Variants in CTNNA3 observed in about 807,000 individuals in gnomAD.
The protein encoded by CTNNA3 is catenin alpha 3.
A neutral mutation model predicts 95.7 loss-of-function variants in CTNNA3; 76 were observed. The ratio of observed to expected loss-of-function variants is 0.79; its 90% CI spans 0.66 to 0.96. The LOEUF is 0.96. Among genes scored for constraint, CTNNA3 ranks in the 40% least tolerant of loss-of-function variants. CTNNA3 has a pLI of 0.00. For missense variants in CTNNA3, 1,191 were observed against 1,089.8 expected (o/e 1.09, Z -1.31); for synonymous variants, 431 against 374.4 (o/e 1.15, Z -1.74).
At chr10:67,060,012 G>A (rs554847423) in intron 7 of CTNNA3, among the ~76,000 whole-genome samples, 1 of 152,054 alleles carries the variant, frequency 6.6e-6, no homozygotes, top group Admixed American at 6.5e-5. Context: ...GGTGAGGCAC[G>A]ATGATAAAAA....
intron 15 of CTNNA3, among the ~76,000 whole-genome samples, chr10:66,013,283 A>G (rs1721761772): frequency 6.6e-6 from 1 of 152,348 alleles, no homozygotes; most frequent in Non-Finnish European, 1.5e-5. Flanking sequence ...ATTAATTTAA[A>G]TAGTTTAGCA....
chr10:66,001,007 A>C (rs1445849952), intron 15 of CTNNA3, among the ~76,000 whole-genome samples: 2 of 152,174 alleles, frequency 1.3e-5, no homozygotes, highest in African/African-American at 4.8e-5. Flanking sequence ...CCATGAATGC[A>C]ACAGATTGAA....
rs556316828 is a variant in CTNNA3 at position 67,189,139 on chromosome 10, C to CA, written c.844-8620dup. ...CAAACAAACAAACAAACAACAACAA[C>CA]AACAAAAAAAAAAACAGAAAATTCT... On this transcript the variant is annotated intron_variant, in intron 6 of 17. Coordinates refer to ENST00000433211, the MANE Select transcript of CTNNA3 (RefSeq NM_013266.4). Among the ~76,000 whole-genome samples the CA allele has an allele frequency of 1.1e-3, 132 of 121,998 alleles. 1 individual carries two copies. The highest frequency in any genetic ancestry group is 5.5e-3 in the African/African-American group (115 of 20,994). 80.0% of individuals were successfully genotyped at this position (121,998 alleles called of 152,430 possible). A position where few individuals can be genotyped will look rare whatever the true frequency, so the allele number is the denominator to read the frequency against.
intron 17 of CTNNA3, among the ~76,000 whole-genome samples, chr10:65,926,301 T>C (rs1231040102): frequency 6.6e-6 from 1 of 152,002 alleles, no homozygotes; most frequent in East Asian, 1.9e-4. Flanking sequence ...AACTTATGAA[T>C]ATTCTAGTAT....
At chr10:67,520,497 C>T (rs947315883) in intron 5 of CTNNA3, among the ~76,000 whole-genome samples, 3 of 152,136 alleles carry the variant, frequency 2.0e-5, no homozygotes, top group East Asian at 1.9e-4. Context: ...TTGCATAGGC[C>T]GGAGGAGTGA....
intron 7 of CTNNA3, among the ~76,000 whole-genome samples, chr10:66,886,793 G>C (rs1845061909): frequency 6.6e-6 from 1 of 152,112 alleles, no homozygotes; most frequent in South Asian, 2.1e-4. Context: ...TATTACGTCA[G>C]AACATGTCCT....
At chr10:67,699,630 A>C (rs1056083270), upstream of CTNNA3, among the ~76,000 whole-genome samples, 59 of 152,212 alleles carry the variant, frequency 3.9e-4, no homozygotes, top group African/African-American at 8.0e-4. Context: ...AGTTAAGAAA[A>C]GAGAAGGTGG....
chr10:67,690,856 G>GCCTCTC (rs139964692), intron 1 of CTNNA3, among the ~76,000 whole-genome samples: 35,024 of 151,462 alleles, frequency 0.23, 4,787 homozygotes, highest in East Asian at 0.51. Context: ...TCTTGCTACA[G>GCCTCTC]CCTCTCCCTC....
At chr10:67,627,317 C>T (rs941711839) in intron 2 of CTNNA3, among the ~76,000 whole-genome samples, 6 of 152,152 alleles carry the variant, frequency 3.9e-5, no homozygotes, top group Admixed American at 2.0e-4. Flanking sequence ...TCCTACCCTT[C>T]GTAGTCATCC....
chr10:67,246,094 G>T (rs549947058), intron 5 of CTNNA3, among the ~76,000 whole-genome samples: 2 of 152,214 alleles, frequency 1.3e-5, no homozygotes, highest in East Asian at 3.9e-4. Flanking sequence ...GCTGTTGAAA[G>T]GTCAACTGCG....
intron 15 of CTNNA3, among the ~76,000 whole-genome samples, chr10:66,028,297 C>T (rs2079381712): frequency 6.6e-6 from 1 of 152,172 alleles, no homozygotes; most frequent in Non-Finnish European, 1.5e-5. Context: ...CACATGCACA[C>T]ATATGTTTAT....
intron 7 of CTNNA3, among the ~76,000 whole-genome samples, chr10:67,156,552 T>C (rs1340959934): frequency 6.6e-6 from 1 of 152,128 alleles, no homozygotes; most frequent in Non-Finnish European, 1.5e-5. Flanking sequence ...TGCAAGAGTA[T>C]ATTGTTTAAT....
chr10:65,977,500 G>A lies in CTNNA3; in HGVS notation c.2266-10754C>T, dbSNP rs2078229072. ...TAAGAAATTTAAAATGACTTTTGCA[G>A]CCAGGTGCGGTGGCTCACGCCTATA... On this transcript the variant is annotated intron_variant, in intron 16 of 17. Transcript: ENST00000433211. 2.0e-5 allele frequency among the ~76,000 whole-genome samples: 3 copies of A among 152,184 alleles called. No individual in the cohort carries two copies. In the South Asian group the frequency reaches 6.2e-4, roughly 32 times the overall value.
At chr10:66,135,210 T>C (rs1276608954) in intron 13 of CTNNA3, among the ~76,000 whole-genome samples, 1 of 152,198 alleles carries the variant, frequency 6.6e-6, no homozygotes, top group Non-Finnish European at 1.5e-5. Flanking sequence ...GAGGTTTTGA[T>C]GACTAAATAT....
intron 7 of CTNNA3, among the ~76,000 whole-genome samples, chr10:67,160,535 T>C (rs2132087358): frequency 6.7e-6 from 1 of 149,974 alleles, no homozygotes; most frequent in South Asian, 2.1e-4. Flanking sequence ...CCACTTGGGC[T>C]CAAACAATCC....
intron 5 of CTNNA3, among the ~76,000 whole-genome samples, chr10:67,295,846 A>T (rs2132481150): frequency 6.6e-6 from 1 of 152,350 alleles, no homozygotes; most frequent in East Asian, 1.9e-4. Context: ...CTTGTTTATT[A>T]TACTACTTAT....
At chr10:66,682,185 C>T (rs189105316) in intron 9 of CTNNA3, among the ~76,000 whole-genome samples, 101 of 152,204 alleles carry the variant, frequency 6.6e-4, no homozygotes, top group Non-Finnish European at 1.2e-3. Flanking sequence ...TATAAGACTT[C>T]GTGAAATGTG....
intron 6 of CTNNA3, among the ~76,000 whole-genome samples, chr10:67,183,103 A>T (rs927018808): frequency 8.5e-5 from 13 of 152,366 alleles, no homozygotes; most frequent in African/African-American, 3.1e-4. Context: ...ACTGTAAACT[A>T]GTTCAACCAT....
chr10:66,905,655 T>C (rs976364495), intron 7 of CTNNA3, among the ~76,000 whole-genome samples: 1 of 152,178 alleles, frequency 6.6e-6, no homozygotes, highest in African/African-American at 2.4e-5. Flanking sequence ...AAACATGGTA[T>C]ATACACATAA....
Sources: gnomAD v4.1 joint callset for allele counts (sites outside exome capture counted in the v4.1 genomes callset) on GRCh38, gnomAD v4.1.1 for gene constraint, MANE v1.5 for transcripts, NCBI Gene and HGNC (gene_info 2026-07-23, HGNC 2026-07-21) for gene names.